The following GRM5 variants were observed in gnomAD, a reference collection of about 807,000 sequenced individuals.
GRM5 encodes glutamate metabotropic receptor 5.
Under a neutral mutation model 83.1 loss-of-function variants are expected in GRM5, and 19 were observed. The observed-to-expected ratio is 0.23, with a 90% confidence interval of 0.16 to 0.34. The LOEUF is 0.34. Ranked by LOEUF, GRM5 falls within the 10% of genes least tolerant of loss-of-function variation. GRM5 has a pLI of 1.00. For missense variants in GRM5, 1,160 were observed against 1,588.3 expected (o/e 0.73, Z 4.58); for synonymous variants, 675 against 633.6 (o/e 1.07, Z -0.98).
chr11:88,985,497 T>C (rs1054157323), intron 2 of GRM5, among the ~76,000 whole-genome samples: 1 of 152,230 alleles, frequency 6.6e-6, no homozygotes, highest in Admixed American at 6.5e-5. Flanking sequence ...ACTGATCTCA[T>C]GAAAACTCAT....
At chr11:88,709,789 T>G (rs1941243071) in intron 3 of GRM5, among the ~76,000 whole-genome samples, 1 of 152,130 alleles carries the variant, frequency 6.6e-6, no homozygotes. Flanking sequence ...TTTGAATGTG[T>G]GAATGCCCCA....
In GRM5 at chr11:88,902,850, T is replaced by C. The variant is rs184156414; in HGVS notation, c.662-52695A>G. 5.8e-4 allele frequency among the ~76,000 whole-genome samples: 82 copies of C among 142,214 alleles called. 1 individual carries two copies. In the East Asian group the frequency reaches 0.017, roughly 29 times the overall value. 93.3% of individuals were successfully genotyped at this position (142,214 alleles called of 152,430 possible). On this transcript the variant is annotated intron_variant, in intron 2 of 9. Transcript: ENST00000305447. Reference sequence around the variant, plus strand: ...CCTGTGGTACCAGCTACTAGGGAGGTTGAGGCAGAAGAATCGCTTGAATCC... The same window carrying C: ...CCTGTGGTACCAGCTACTAGGGAGGCTGAGGCAGAAGAATCGCTTGAATCC...
At chr11:88,911,452 G>T (rs564268434) in intron 2 of GRM5, among the ~76,000 whole-genome samples, 66 of 152,244 alleles carry the variant, frequency 4.3e-4, no homozygotes, top group Middle Eastern at 3.4e-3. Context: ...AAATGAGAAA[G>T]CATATAGATT....
chr11:88,571,046 A>C (rs189318739), intron 7 of GRM5, among the ~76,000 whole-genome samples: 124 of 152,284 alleles, frequency 8.1e-4, no homozygotes, highest in Middle Eastern at 6.8e-3. Context: ...TCATTACCTA[A>C]AAGAATGAGC....
chr11:88,945,658 T>A (rs1469399158), intron 2 of GRM5, among the ~76,000 whole-genome samples: 2 of 152,234 alleles, frequency 1.3e-5, no homozygotes, highest in East Asian at 3.9e-4. Flanking sequence ...ATTCAATCAA[T>A]GTTGCTGGAT....
intron 2 of GRM5, among the ~76,000 whole-genome samples, chr11:88,960,038 G>GAAACAAGCTA (rs1938735766): frequency 6.6e-6 from 1 of 152,114 alleles, no homozygotes; most frequent in African/African-American, 2.4e-5. Flanking sequence ...AAGCCATGCA[G>GAAACAAGCTA]ACTCCGGGTA....
At chr11:88,857,162 T>C (rs1013891770) in intron 2 of GRM5, among the ~76,000 whole-genome samples, 2 of 152,084 alleles carry the variant, frequency 1.3e-5, no homozygotes, top group Non-Finnish European at 2.9e-5. Flanking sequence ...CTATTTAGTA[T>C]TTTAGCAAAC....
chr11:88,960,962 T>C (rs1464975688), intron 2 of GRM5, among the ~76,000 whole-genome samples: 1 of 152,154 alleles, frequency 6.6e-6, no homozygotes, highest in Non-Finnish European at 1.5e-5. Flanking sequence ...AGAAAACAAG[T>C]TCAGAAAGAA....
chr11:88,848,220 G>A (rs746943150), intron 3 of GRM5, among the ~76,000 whole-genome samples: 9 of 152,172 alleles, frequency 5.9e-5, no homozygotes, highest in Non-Finnish European at 1.3e-4. Context: ...AACTAGCGAC[G>A]ATTTTGACAA....
intron 3 of GRM5, among the ~76,000 whole-genome samples, chr11:88,794,997 C>A (rs1943249518): frequency 6.6e-6 from 1 of 152,162 alleles, no homozygotes. Flanking sequence ...CACTGTGTGC[C>A]TCCAATGAAA....
chr11:88,734,345 T>C (rs1466791109), intron 3 of GRM5, among the ~76,000 whole-genome samples: 2 of 151,898 alleles, frequency 1.3e-5, no homozygotes, highest in African/African-American at 2.4e-5. Flanking sequence ...TTGGCAAAAA[T>C]GTGGAGAAAT....
intron 5 of GRM5, among the ~76,000 whole-genome samples, chr11:88,599,303 T>C (rs17769445): frequency 0.015 from 2,270 of 152,336 alleles, 73 homozygotes; most frequent in Admixed American, 0.079. Context: ...TTAATTTCAG[T>C]TGAACTCAAT....
At chr11:88,619,391 T>A (rs1938572427) in intron 4 of GRM5, among the ~76,000 whole-genome samples, 1 of 152,228 alleles carries the variant, frequency 6.6e-6, no homozygotes, top group Non-Finnish European at 1.5e-5. Context: ...TTGTGGATTC[T>A]CTTGATAATT....
chr11:88,865,128 G>A lies in GRM5; in HGVS notation c.662-14973C>T, dbSNP rs550972031. Among the ~76,000 whole-genome samples the A allele has an allele frequency of 3.3e-5, 5 of 152,104 alleles. No homozygotes were observed. The East Asian group carries it at 9.7e-4, about 29-fold the overall frequency. On this transcript the variant is annotated intron_variant, in intron 2 of 9. Transcript: ENST00000305447. ...TCAATACTGTGAAAATGGCCATACT[G>A]CCCAAAGTAATTTGTAGATTCAATG...
chr11:88,944,011 C>T (rs543354740), intron 2 of GRM5, among the ~76,000 whole-genome samples: 29 of 151,974 alleles, frequency 1.9e-4, no homozygotes, highest in Non-Finnish European at 3.1e-4. Context: ...ATGCTTGGCA[C>T]TTTAATAGTG....
At chr11:88,890,126 C>CCCACATCG (rs1339102500) in intron 2 of GRM5, among the ~76,000 whole-genome samples, 2 of 151,774 alleles carry the variant, frequency 1.3e-5, no homozygotes, top group African/African-American at 4.8e-5. Context: ...TCCCCACATC[C>CCCACATCG]CCACATCCCC....
chr11:88,900,293 C>G (rs886644154), intron 2 of GRM5, among the ~76,000 whole-genome samples: 2 of 152,130 alleles, frequency 1.3e-5, no homozygotes, highest in Non-Finnish European at 2.9e-5. Context: ...TAGTTGATTT[C>G]CATGGCACAA....
intron 2 of GRM5, among the ~76,000 whole-genome samples, chr11:88,971,080 T>C (rs1280797493): frequency 6.6e-6 from 1 of 152,120 alleles, no homozygotes; most frequent in East Asian, 1.9e-4. Context: ...TCATTTAGGG[T>C]AGTGGAAAAC....
chr11:88,588,808 A>G, intron 7 of GRM5, among the ~76,000 whole-genome samples: 1 of 152,138 alleles, frequency 6.6e-6, no homozygotes, highest in East Asian at 1.9e-4. Flanking sequence ...CTGACTAGCC[A>G]TGTGCATGTG....
Sources: allele counts gnomAD v4.1 joint callset (sites outside exome capture counted in the v4.1 genomes callset), GRCh38; gene constraint gnomAD v4.1.1; transcripts MANE v1.5; gene names NCBI Gene and HGNC (gene_info 2026-07-23, HGNC 2026-07-21).